The following BCAS4 variants were observed in gnomAD, a reference collection of about 807,000 sequenced individuals.
The protein encoded by BCAS4 is breast carcinoma-amplified sequence 4.
BCAS4 carries 9 observed loss-of-function variants against 15.7 expected under a neutral mutation model. That is an observed-to-expected ratio of 0.57 (90% CI 0.34 to 1.00). The LOEUF is 1.00. Among genes scored for constraint, BCAS4 ranks in the 50% least tolerant of loss-of-function variants. The pLI, the probability that BCAS4 is intolerant of heterozygous loss-of-function variation, is 0.02. For missense variants in BCAS4, 225 were observed against 239.1 expected, an observed-to-expected ratio of 0.94 and a Z score of 0.39; for synonymous variants, 101 against 99.5, an observed-to-expected ratio of 1.02 and a Z score of -0.09.
chr20:50,819,856 C>T (rs1049145071), intron 2 of BCAS4, among the ~76,000 whole-genome samples: 10 of 151,744 alleles, frequency 6.6e-5, no homozygotes, highest in African/African-American at 2.4e-4. Context: ...TCCTTCCTTT[C>T]TTCCTTCCTT....
chr20:50,803,079 G>T (rs11906687), intron 1 of BCAS4, among the ~76,000 whole-genome samples: 20,950 of 152,116 alleles, frequency 0.14, 1,527 homozygotes, highest in South Asian at 0.16. Context: ...TACTCGGGAG[G>T]CTGGGGCATG....
intron 4 of BCAS4, among the ~76,000 whole-genome samples, chr20:50,853,806 G>A (rs112178947): frequency 3.7e-5 from 5 of 134,818 alleles, no homozygotes; most frequent in East Asian, 2.1e-4. Flanking sequence ...GATGTTTTGT[G>A]TACTGGGAGG....
At chr20:50,859,090 C>A (rs193028750) in intron 4 of BCAS4, among the ~76,000 whole-genome samples, 2 of 152,136 alleles carry the variant, frequency 1.3e-5, no homozygotes. Context: ...GGTGTGCCAC[C>A]ATGCCCGGCT....
chr20:50,861,570 T>G (rs1979069489), intron 4 of BCAS4, among the ~76,000 whole-genome samples: 1 of 152,200 alleles, frequency 6.6e-6, no homozygotes, highest in African/African-American at 2.4e-5. Flanking sequence ...AGGGATGGGG[T>G]TGGCAGGTGA....
intron 4 of BCAS4, among the ~76,000 whole-genome samples, chr20:50,873,666 CA>C (rs1350323927): frequency 2.6e-5 from 4 of 152,188 alleles, no homozygotes; most frequent in Non-Finnish European, 5.9e-5. Flanking sequence ...GCAGTGCCAT[CA>C]GGGGGACGTG....
intron 4 of BCAS4, among the ~76,000 whole-genome samples, chr20:50,860,305 T>C (rs1333449638): frequency 6.6e-6 from 1 of 152,198 alleles, no homozygotes; most frequent in African/African-American, 2.4e-5. Context: ...GCATAAGTCC[T>C]GTAGGTTTGT....
At chr20:50,839,842 A>T (rs1043580028) in intron 3 of BCAS4, among the ~76,000 whole-genome samples, 2 of 152,124 alleles carry the variant, frequency 1.3e-5, no homozygotes, top group East Asian at 3.9e-4. Context: ...CATTTTTCAG[A>T]TAATAAAATG....
intron 4 of BCAS4, among the ~76,000 whole-genome samples, chr20:50,871,333 G>A (rs1019261416): frequency 6.6e-6 from 1 of 152,186 alleles, no homozygotes; most frequent in Admixed American, 6.5e-5. Flanking sequence ...CATGGCATGC[G>A]GGTGTGCCGG....
At chr20:50,816,885 G>T (rs1444379077) in intron 1 of BCAS4, among the ~76,000 whole-genome samples, 1 of 138,250 alleles carries the variant, frequency 7.2e-6, no homozygotes, top group African/African-American at 2.7e-5. Context: ...GCTCACTGCA[G>T]CCTCCGCCTC....
At chr20:50,850,621 G>T (rs1458977562) in intron 4 of BCAS4, among the ~76,000 whole-genome samples, 1 of 137,578 alleles carries the variant, frequency 7.3e-6, no homozygotes, top group Non-Finnish European at 1.5e-5. Context: ...TTTTTATTTG[G>T]GGGGGTTGCT....
chr20:50,799,840 G>T (rs2087906809), intron 1 of BCAS4, among the ~76,000 whole-genome samples: 2 of 152,146 alleles, frequency 1.3e-5, no homozygotes, highest in African/African-American at 4.8e-5. Flanking sequence ...CGGATCCTTT[G>T]TACCCAGGAG....
At chr20:50,865,655 G>A (rs1215387492) in intron 4 of BCAS4, among the ~76,000 whole-genome samples, 1 of 152,198 alleles carries the variant, frequency 6.6e-6, no homozygotes, top group Non-Finnish European at 1.5e-5. Flanking sequence ...CCCAAGCCCT[G>A]TGCTTCTGTC....
At chr20:50,860,884 TAAAA>T (rs1344131954) in intron 4 of BCAS4, among the ~76,000 whole-genome samples, 10 of 146,742 alleles carry the variant, frequency 6.8e-5, no homozygotes, top group African/African-American at 2.5e-4. Context: ...AAAAAATAAA[TAAAA>T]GAAAAAGACA....
chr20:50,840,401 T>G (rs1314748493), intron 3 of BCAS4: 1 of 635,342 alleles, frequency 1.6e-6, no homozygotes, highest in Non-Finnish European at 2.9e-6. Context: ...TTCACCAACA[T>G]GCAAGTTCTT....
chr20:50,857,550 C>A (rs1302981962), intron 4 of BCAS4, among the ~76,000 whole-genome samples: 1 of 152,196 alleles, frequency 6.6e-6, no homozygotes, highest in African/African-American at 2.4e-5. Context: ...GTAACTTGGC[C>A]AAGGTCACAC....
At chr20:50,873,127 A>T (rs1979737131) in intron 4 of BCAS4, among the ~76,000 whole-genome samples, 1 of 152,226 alleles carries the variant, frequency 6.6e-6, no homozygotes, top group South Asian at 2.1e-4. Context: ...AGTTCTCTCC[A>T]GGCCTAAAGA....
intron 4 of BCAS4, chr20:50,876,150 T>C: frequency 2.5e-6 from 1 of 393,720 alleles, no homozygotes; most frequent in Non-Finnish European, 5.0e-6. Flanking sequence ...AGGCTTTGAC[T>C]GTGTTGGCCA....
intron 4 of BCAS4, among the ~76,000 whole-genome samples, chr20:50,856,719 A>G (rs1339634725): frequency 6.6e-6 from 1 of 152,164 alleles, no homozygotes; most frequent in Non-Finnish European, 1.5e-5. Flanking sequence ...TTGGAGAGAC[A>G]TGGGGGCGCT....
intron 1 of BCAS4, among the ~76,000 whole-genome samples, chr20:50,795,481 C>T (rs958317815): frequency 3.3e-5 from 5 of 152,166 alleles, no homozygotes; most frequent in Admixed American, 2.6e-4. Flanking sequence ...AGGCGGACCC[C>T]GGGACCTCTG....
Sources: allele counts gnomAD v4.1 joint callset (sites outside exome capture counted in the v4.1 genomes callset), GRCh38; gene constraint gnomAD v4.1.1; transcripts MANE v1.5; gene names NCBI Gene and HGNC (gene_info 2026-07-23, HGNC 2026-07-21).